The following PCDHA1 variants were observed in gnomAD, a reference collection of about 807,000 sequenced individuals.
PCDHA1 encodes the protein protocadherin alpha-1.
Under a neutral mutation model 61.3 loss-of-function variants are expected in PCDHA1, and 42 were observed. The observed-to-expected ratio is 0.69, with a 90% CI of 0.54 to 0.89. The LOEUF is 0.89. Among genes scored for constraint, PCDHA1 ranks in the 40% least tolerant of loss-of-function variants. PCDHA1 has a pLI of 0.00. For missense variants in PCDHA1, 1,256 were observed against 1,235.3 expected, an observed-to-expected ratio of 1.02 and a Z score of -0.25; for synonymous variants, 610 against 553.8, an observed-to-expected ratio of 1.10 and a Z score of -1.43.
intron 1 of PCDHA1, chr5:140,804,923 G>A (rs1763479692): frequency 1.0e-6 from 1 of 968,354 alleles, no homozygotes; most frequent in Admixed American, 3.7e-5. Context: ...TTCCTTTTTT[G>A]GCACTATCCT....
rs781875497 is a variant in PCDHA1 at position 140,995,949 on chromosome 5, G to A, written c.2542+13386G>A. Among the ~76,000 whole-genome samples, 8 of 152,160 alleles carry A rather than the reference G, an allele frequency of 5.3e-5. No homozygotes were observed. In the East Asian group the frequency reaches 7.7e-4, roughly 15 times the overall value. ...GTAAGTATTAAATGACATAATGCACGCAAAATGCTTAGAACCATGCTTAGT... is the reference window on the plus strand; with the variant it reads ...GTAAGTATTAAATGACATAATGCACACAAAATGCTTAGAACCATGCTTAGT... On this transcript the variant is annotated intron_variant, in intron 3 of 3. Transcript: ENST00000504120.
At chr5:140,843,414 T>C (rs2150359498) in intron 1 of PCDHA1, 4 of 1,596,080 alleles carry the variant, frequency 2.5e-6, no homozygotes, top group Non-Finnish European at 3.4e-6. Context: ...GATGTCAACG[T>C]GTACCTGATC....
At chr5:140,796,266 A>T in intron 1 of PCDHA1, 1 of 1,614,046 alleles carries the variant, frequency 6.2e-7, no homozygotes, top group South Asian at 1.1e-5. Context: ...GCTCGCCTTC[A>T]CTGTGGGCCA....
intron 1 of PCDHA1, chr5:140,869,717 C>A: frequency 6.2e-7 from 1 of 1,613,364 alleles, no homozygotes. Context: ...AGAGAGAAAA[C>A]TCCGGAACTT....
At chr5:140,999,806 A>G (rs1230100139) in intron 3 of PCDHA1, among the ~76,000 whole-genome samples, 1 of 152,152 alleles carries the variant, frequency 6.6e-6, no homozygotes, top group African/African-American at 2.4e-5. Context: ...TTTGGGCACA[A>G]AGCAAGAGCT....
At chr5:140,870,425 C>A (rs531014522) in intron 1 of PCDHA1, 5 of 1,614,190 alleles carry the variant, frequency 3.1e-6, no homozygotes, top group Admixed American at 3.3e-5. Flanking sequence ...GCCAGGGTAT[C>A]CGTGGAGGTG....
intron 3 of PCDHA1, among the ~76,000 whole-genome samples, chr5:140,997,728 A>G (rs1376007377): frequency 6.6e-6 from 1 of 152,030 alleles, no homozygotes; most frequent in Non-Finnish European, 1.5e-5. Flanking sequence ...ACGTCAGTAC[A>G]TATAGATTTG....
intron 1 of PCDHA1, among the ~76,000 whole-genome samples, chr5:140,908,023 A>G (rs797031285): frequency 5.9e-5 from 9 of 152,314 alleles, no homozygotes; most frequent in Admixed American, 2.6e-4. Context: ...GCTACAGCCC[A>G]TTAATCAGTA....
intron 1 of PCDHA1, chr5:140,875,466 T>A (rs782683106): frequency 2.4e-5 from 39 of 1,599,908 alleles, no homozygotes; most frequent in Admixed American, 1.2e-4. Flanking sequence ...GGCCCTCATT[T>A]TCTGCAATGG....
intron 1 of PCDHA1, chr5:140,835,753 A>C (rs1400734217): frequency 1.9e-6 from 3 of 1,613,298 alleles, no homozygotes; most frequent in Middle Eastern, 3.4e-4. Flanking sequence ...GCGTTCGCGC[A>C]GCCCGAGTAT....
chr5:140,833,169 G>A (rs2150206852), intron 1 of PCDHA1, among the ~76,000 whole-genome samples: 2 of 152,190 alleles, frequency 1.3e-5, no homozygotes, highest in Admixed American at 6.6e-5. Flanking sequence ...AGTATTAACG[G>A]AAGATGACTG....
rs183514123 is a variant in PCDHA1 at position 140,818,784 on chromosome 5, T to A, written c.2394+30100T>A. On this transcript the variant is annotated intron_variant, in intron 1 of 3. Transcript: ENST00000504120. ...GCCTGAGGCTGCAATGAACTTTGAC[T>A]GTACCACTGCACTCCAGCCTCGGTC... Among the ~76,000 whole-genome samples, 13 of 152,338 alleles carry A rather than the reference T, an allele frequency of 8.5e-5. No homozygotes were observed. The East Asian group carries it at 2.3e-3, about 27-fold the overall frequency.
chr5:140,836,110 C>T, intron 1 of PCDHA1: 1 of 1,613,694 alleles, frequency 6.2e-7, no homozygotes, highest in Non-Finnish European at 8.5e-7. Flanking sequence ...ACTGGTGGCG[C>T]AGTGAGAGAG....
chr5:140,856,488 T>C lies in PCDHA1; in HGVS notation c.2394+67804T>C. Reference sequence around the variant, plus strand: ...CTCTCAATACCTGAATCCAGACTGCTTGACTCTCGATTTCCACTAGAAGGC... The same window carrying C: ...CTCTCAATACCTGAATCCAGACTGCCTGACTCTCGATTTCCACTAGAAGGC... On this transcript the variant is annotated intron_variant, in intron 1 of 3. Coordinates refer to ENST00000504120, the MANE Select transcript of PCDHA1 (RefSeq NM_018900.4). 3.1e-6 allele frequency: 5 copies of C among 1,598,406 alleles called. 2 individuals carry two copies. Among genetic ancestry groups the C allele is most frequent in the Non-Finnish European group, 3.4e-6 (4 of 1,167,896 alleles).
At chr5:140,939,841 T>C (rs1269688667) in intron 1 of PCDHA1, among the ~76,000 whole-genome samples, 5 of 152,344 alleles carry the variant, frequency 3.3e-5, no homozygotes, top group Middle Eastern at 3.4e-3. Context: ...TGCTTGTTGT[T>C]GTGTTCTGTA....
chr5:140,851,492 T>C, intron 1 of PCDHA1: 2 of 896,256 alleles, frequency 2.2e-6, no homozygotes, highest in Non-Finnish European at 2.7e-6. Context: ...ACAGCCTTCA[T>C]TTCAACTTAT....
chr5:140,835,636 T>C (rs1460811244), intron 1 of PCDHA1: 1 of 1,613,788 alleles, frequency 6.2e-7, no homozygotes, highest in Non-Finnish European at 8.5e-7. Flanking sequence ...CGCGAGAGTG[T>C]GTCCGCCTAT....
At chr5:140,967,320 A>G in intron 1 of PCDHA1, 6 of 1,609,774 alleles carry the variant, frequency 3.7e-6, no homozygotes, top group Non-Finnish European at 5.1e-6. Context: ...GTACAGACCT[A>G]CGAGCTCAGC....
chr5:140,876,511 G>A lies in PCDHA1; in HGVS notation c.2394+87827G>A, dbSNP rs559810221. 2.4e-4 allele frequency: 380 copies of A among 1,614,076 alleles called. 4 individuals carry two copies. The South Asian group carries it at 3.9e-3, about 16-fold the overall frequency. ...GGAAGTTCTGGACGTGAATGACAATGTCCCTGAAGTAATGGTTACTTCACT... is the reference window on the plus strand; with the variant it reads ...GGAAGTTCTGGACGTGAATGACAATATCCCTGAAGTAATGGTTACTTCACT... On this transcript the variant is annotated intron_variant, in intron 1 of 3. Coordinates refer to ENST00000504120, the MANE Select transcript of PCDHA1 (RefSeq NM_018900.4).
Sources: allele counts gnomAD v4.1 joint callset (sites outside exome capture counted in the v4.1 genomes callset), GRCh38; gene constraint gnomAD v4.1.1; transcripts MANE v1.5; gene names NCBI Gene and HGNC (gene_info 2026-07-23, HGNC 2026-07-21).